Variants in URGCP observed in about 807,000 individuals in gnomAD.
URGCP encodes up-regulator of cell proliferation.
Under a neutral mutation model 24.6 loss-of-function variants are expected in URGCP, and 13 were observed. The ratio of observed to expected loss-of-function variants is 0.53; its 90% CI spans 0.34 to 0.84. URGCP has a LOEUF of 0.84. Ranked by LOEUF, URGCP falls within the 40% of genes least tolerant of loss-of-function variation. The probability of loss-of-function intolerance (pLI) is 0.01; values close to 1 mark genes in which losing one functional copy is unlikely to be tolerated. For missense variants in URGCP, 899 were observed against 1,194.3 expected (o/e 0.75, Z 3.64); for synonymous variants, 444 against 487.2 (o/e 0.91, Z 1.17).
chr7:43,919,759 C>A, intron 1 of URGCP: 1 of 1,360,238 alleles, frequency 7.4e-7, no homozygotes, highest in Non-Finnish European at 1.1e-6. Context: ...TTGGGCCCCA[C>A]CAGCATCCAG....
At chr7:43,926,580 C>T (rs751298381), upstream of URGCP, 25 of 1,562,660 alleles carry the variant, frequency 1.6e-5, no homozygotes, top group Middle Eastern at 8.4e-4. Flanking sequence ...CACCCTCCAA[C>T]TCTTTGGGTG....
At chr7:43,903,582 G>A (rs186237675) in intron 1 of URGCP, among the ~76,000 whole-genome samples, 1 of 152,266 alleles carries the variant, frequency 6.6e-6, no homozygotes, top group Non-Finnish European at 1.5e-5. Context: ...AGAAACTTGA[G>A]GAGCTGTATC....
At chr7:43,923,413 A>T (rs2095924912) in intron 1 of URGCP, among the ~76,000 whole-genome samples, 2 of 151,750 alleles carry the variant, frequency 1.3e-5, no homozygotes, top group South Asian at 4.2e-4. Flanking sequence ...CAACCTCCCG[A>T]ATAGCTGTGC....
intron 1 of URGCP, among the ~76,000 whole-genome samples, chr7:43,920,767 T>C (rs2095921426): frequency 6.6e-6 from 1 of 152,172 alleles, no homozygotes; most frequent in Non-Finnish European, 1.5e-5. Flanking sequence ...GTGCCATGCA[T>C]GCCATTTTGG....
chr7:43,916,784 G>A (rs1360253559), intron 1 of URGCP, among the ~76,000 whole-genome samples: 1 of 144,974 alleles, frequency 6.9e-6, no homozygotes, highest in South Asian at 2.2e-4. Flanking sequence ...TGGTTGCCGG[G>A]ACTCAGGGAT....
At chr7:43,897,491 G>C (rs2095880878) in intron 1 of URGCP, among the ~76,000 whole-genome samples, 1 of 152,088 alleles carries the variant, frequency 6.6e-6, no homozygotes, top group Non-Finnish European at 1.5e-5. Flanking sequence ...GCAAGAGAGT[G>C]ATCAGTGAGT....
chr7:43,897,459 C>G (rs1425298171), intron 1 of URGCP, among the ~76,000 whole-genome samples: 1 of 151,998 alleles, frequency 6.6e-6, no homozygotes, highest in Non-Finnish European at 1.5e-5. Context: ...CAGGGACCAA[C>G]AGGGAGGCCC....
At chr7:43,880,443 T>C (rs1436313508) in intron 5 of URGCP, among the ~76,000 whole-genome samples, 9 of 152,112 alleles carry the variant, frequency 5.9e-5, no homozygotes, top group Non-Finnish European at 4.4e-5. Flanking sequence ...TTAGTTGTCT[T>C]AAAATTTGTT....
chr7:43,899,066 G>A (rs1399203702), intron 1 of URGCP, among the ~76,000 whole-genome samples: 4 of 149,492 alleles, frequency 2.7e-5, no homozygotes, highest in Non-Finnish European at 4.4e-5. Flanking sequence ...CCCGGGAGGC[G>A]GAGGTTGCAG....
At chr7:43,913,203 GTTTTT>G (rs1021293558) in intron 1 of URGCP, among the ~76,000 whole-genome samples, 1 of 151,384 alleles carries the variant, frequency 6.6e-6, no homozygotes, top group Non-Finnish European at 1.5e-5. Flanking sequence ...TTGGTTGACA[GTTTTT>G]TTTGTTTGTT....
rs78857742 is a variant in URGCP, at chr7:43,881,761, T to G, written c.164-64A>C. The G allele has an allele frequency of 5.6e-3, 9,093 of 1,613,020 alleles. 472 individuals carry two copies. In the African/African-American group the frequency reaches 0.1, roughly 19 times the overall value. ...TAATGCACCCTTGGCTGACACAAAT[T>G]AATTGAAGCTAAACCTAGAACCCTT... is the stretch of plus-strand genomic sequence containing the variant. On this transcript the variant is annotated intron_variant, in intron 4 of 5. Transcript: ENST00000453200.
rs2095843738 is a variant in URGCP at position 43,876,032 on chromosome 7, C to T, written c.*635G>A. On this transcript the variant is annotated 3_prime_UTR_variant, in exon 6 of 6. Coordinates refer to ENST00000453200, the MANE Select transcript of URGCP (RefSeq NM_001077663.3). ...CAGTCTGGGGGGACAGACATGTAAA[C>T]ACATGAGTTACAACGCGCTGCGTGA... 1 of 154,498 alleles carries T rather than the reference C, an allele frequency of 6.5e-6. No individual in the cohort carries two copies. Among genetic ancestry groups the T allele is most frequent in the African/African-American group, 2.4e-5 (1 of 41,476 alleles). The allele number at this position is 154,498 out of a possible 1,614,324, so 9.6% of individuals were successfully genotyped here. A position where few individuals can be genotyped will look rare whatever the true frequency, so the allele number is the denominator to read the frequency against.
rs187945457 is a variant in URGCP at position 43,918,135 on chromosome 7, A to G, written c.-116+7997T>C. The stretch of plus-strand genomic sequence containing the variant: ...CTAAAAATACAAAAATTAGTTGGGC[A>G]TGGTGGTGGGTGCCTGTAATCCCAG... On this transcript the variant is annotated intron_variant, in intron 1 of 5. Transcript: ENST00000426198. 5.9e-3 allele frequency among the ~76,000 whole-genome samples: 900 copies of G among 151,832 alleles called. 2 individuals carry two copies. The highest frequency in any genetic ancestry group is 0.01 in the Non-Finnish European group (702 of 67,922).
chr7:43,926,493 G>T (rs1268357236), upstream of URGCP: 1 of 1,483,928 alleles, frequency 6.7e-7, no homozygotes, highest in South Asian at 1.3e-5. Context: ...GCCTCAGGCA[G>T]CCCCGGCCGG....
At chr7:43,918,877 TC>T in intron 1 of URGCP, 5 of 1,402,834 alleles carry the variant, frequency 3.6e-6, no homozygotes, top group Non-Finnish European at 5.1e-6. Flanking sequence ...GAGCACTACA[TC>T]CCCCGGGCTG....
At chr7:43,918,890 G>C in intron 1 of URGCP, 1 of 1,410,702 alleles carries the variant, frequency 7.1e-7, no homozygotes, top group Non-Finnish European at 1.0e-6. Context: ...CCCGGGCTGT[G>C]CTGCTGGACC....
In URGCP at chr7:43,876,873, C is replaced by T; in HGVS notation, c.2590G>A (p.Gly864Ser). The T allele has an allele frequency of 6.2e-7, 1 of 1,614,086 alleles. No homozygotes were observed. The highest frequency in any genetic ancestry group is 8.5e-7 in the Non-Finnish European group (1 of 1,180,036). ...KQGDGFRALA[G>S]LAFCDPEKQH... ...TTCTCAGGGTCGCAGAAGGCCAGGCCTGCCAGTGCCCGGAAGCCGTCGCCC... is the reference window on the plus strand; with the variant it reads ...TTCTCAGGGTCGCAGAAGGCCAGGCTTGCCAGTGCCCGGAAGCCGTCGCCC... Residue 864 changes from glycine (G) to serine (S), a missense_variant, in exon 6 of 6, where the codon GGC (glycine) becomes AGC (serine). Physicochemically the swap from Gly to Ser is moderately conservative, Grantham distance 56 (BLOSUM62 0). Coordinates refer to ENST00000453200, the MANE Select transcript of URGCP (RefSeq NM_001077663.3).
At chr7:43,889,228 A>T (rs2095866660) in intron 1 of URGCP, 1 of 152,242 alleles carries the variant, frequency 6.6e-6, no homozygotes, top group African/African-American at 2.4e-5. Context: ...TCATGCCTGT[A>T]ATTCCAGCAT....
At position 43,876,613 on chromosome 7, in the gene URGCP, A is replaced by T; in HGVS notation, c.*54T>A. On this transcript the variant is annotated 3_prime_UTR_variant, in exon 6 of 6. Coordinates refer to ENST00000453200, the MANE Select transcript of URGCP (RefSeq NM_001077663.3). Reference sequence around the variant, plus strand: ...CACAGCCCCACACGGGTGCCCCATCAGACAGGGCTGCCCACAGCAGCCTCC... The same window carrying T: ...CACAGCCCCACACGGGTGCCCCATCTGACAGGGCTGCCCACAGCAGCCTCC... 6.4e-6 allele frequency: 10 copies of T among 1,569,186 alleles called. No homozygotes were observed. The highest frequency in any genetic ancestry group is 8.7e-6 in the Non-Finnish European group (10 of 1,155,204).
Sources: allele counts gnomAD v4.1 joint callset (sites outside exome capture counted in the v4.1 genomes callset), GRCh38; gene constraint gnomAD v4.1.1; transcripts MANE v1.5; gene names NCBI Gene and HGNC (gene_info 2026-07-23, HGNC 2026-07-21).